Variants in ACO1 observed in about 807,000 individuals in gnomAD.
ACO1 encodes cytoplasmic aconitate hydratase.
In ACO1, 78 loss-of-function variants were observed where a neutral mutation model predicts 105.1. That is an observed-to-expected ratio of 0.74 (90% confidence interval 0.62 to 0.90). The LOEUF (loss-of-function observed/expected upper bound fraction) is 0.90. ACO1 is among the 40% of genes least tolerant of loss of function. ACO1 has a pLI of 0.00. For missense variants in ACO1, 965 were observed against 1,111.1 expected (o/e 0.87, Z 1.87); for synonymous variants, 364 against 397.4 (o/e 0.92, Z 1.00).
intron 4 of ACO1, among the ~76,000 whole-genome samples, chr9:32,412,994 C>T (rs1373713468): frequency 1.3e-5 from 2 of 151,474 alleles, no homozygotes; most frequent in Non-Finnish European, 2.9e-5. Flanking sequence ...GTTAATGCAT[C>T]TTGAACTTGG....
chr9:32,447,205 TTCAAACGTAATTTGGTC>T (rs1292559922), intron 19 of ACO1, among the ~76,000 whole-genome samples: 1 of 152,200 alleles, frequency 6.6e-6, no homozygotes, highest in Non-Finnish European at 1.5e-5. Context: ...AAGTACACCA[TTCAAACGTAATTTGGTC>T]TTTTCACATA....
At chr9:32,448,747 T>C (rs10813817) in intron 19 of ACO1, 149 bp from the exon 20 acceptor site, 281,755 of 776,334 alleles carry the variant, frequency 0.36, 52,397 homozygotes, top group East Asian at 0.47. Context: ...CAGAAATCAC[T>C]CGCCTTCTGT....
chr9:32,409,051 C>G (rs1821677270), intron 4 of ACO1, among the ~76,000 whole-genome samples: 1 of 152,220 alleles, frequency 6.6e-6, no homozygotes, highest in Admixed American at 6.5e-5. Flanking sequence ...ATCTAGCGAT[C>G]TCTGCCTCTT....
intron 9 of ACO1, 74 bp downstream of exon 9, chr9:32,423,493 G>A: frequency 9.8e-7 from 1 of 1,024,944 alleles, no homozygotes; most frequent in South Asian, 1.5e-5. Flanking sequence ...GTTTTTCTTG[G>A]GGGAATGCGC....
intron 7 of ACO1, among the ~76,000 whole-genome samples, chr9:32,420,383 T>G (rs1039698420): frequency 2.0e-5 from 3 of 152,228 alleles, no homozygotes; most frequent in African/African-American, 7.2e-5. Flanking sequence ...AGAGAATGTT[T>G]CTCATCTTGA....
chr9:32,434,505 G>A lies in ACO1; in HGVS notation c.1957-54G>A. Reference sequence around the variant, plus strand: ...GGCCACCATCGTAGAGACTGATCTGGTAACTTGTTTGGGAAAACCTGGGCC... The same window carrying A: ...GGCCACCATCGTAGAGACTGATCTGATAACTTGTTTGGGAAAACCTGGGCC... On this transcript the variant is annotated intron_variant, in intron 16 of 20. Coordinates refer to ENST00000309951, the MANE Select transcript of ACO1 (RefSeq NM_002197.3). 4.4e-6 allele frequency: 7 copies of A among 1,608,982 alleles called. No homozygotes were observed. The South Asian group carries it at 7.7e-5, about 18-fold the overall frequency.
chr9:32,418,078 C>T (rs1178392175), intron 4 of ACO1, 50 bp from the exon 5 acceptor site: 4 of 1,550,842 alleles, frequency 2.6e-6, no homozygotes, highest in Non-Finnish European at 2.7e-6. Flanking sequence ...AATTTGACCA[C>T]TAATATGTTA....
intron 17 of ACO1, among the ~76,000 whole-genome samples, chr9:32,435,302 C>T (rs1163610866): frequency 6.6e-6 from 1 of 152,126 alleles, no homozygotes; most frequent in Non-Finnish European, 1.5e-5. Context: ...TTCCCCAGAG[C>T]GAATTTGAGG....
In ACO1 at chr9:32,392,536, C is replaced by A. The variant is rs368434735; in HGVS notation, c.-23+7801C>A. On this transcript the variant is annotated intron_variant, in intron 1 of 20. Transcript: ENST00000309951. Reference sequence around the variant, plus strand: ...GTTCTTCCCAGCTTCTGTCCCAGTCCAACCTGCTAAGCTCCAGGCCCATAT... The same window carrying A: ...GTTCTTCCCAGCTTCTGTCCCAGTCAAACCTGCTAAGCTCCAGGCCCATAT... 6.6e-5 allele frequency among the ~76,000 whole-genome samples: 10 copies of A among 152,308 alleles called. 1 individual carries two copies. Among genetic ancestry groups the A allele is most frequent in the Admixed American group, 5.9e-4 (9 of 15,310 alleles).
chr9:32,418,656 C>A, intron 6 of ACO1, 145 bp downstream of exon 6: 1 of 941,284 alleles, frequency 1.1e-6, no homozygotes, highest in Non-Finnish European at 1.6e-6. Flanking sequence ...TTTCCAGTGC[C>A]TAGAGAATCA....
rs1822824234 is a variant in ACO1, at chr9:32,453,967, A to C, written c.*3856A>C. ...ATTCAGTACAGATTTGTTGAATGAAATTCGTAGTTTTATTTTACGGCATAA... is the reference window on the plus strand; with the variant it reads ...ATTCAGTACAGATTTGTTGAATGAACTTCGTAGTTTTATTTTACGGCATAA... On this transcript the variant is annotated 3_prime_UTR_variant, in exon 21 of 21. Transcript: ENST00000309951. The C allele has an allele frequency of 6.6e-6, 1 of 152,218 alleles. No individual in the cohort carries two copies. Among genetic ancestry groups the C allele is most frequent in the Non-Finnish European group, 1.5e-5 (1 of 68,034 alleles). 9.4% of individuals were successfully genotyped at this position (152,218 alleles called of 1,614,324 possible). A position where few individuals can be genotyped will look rare whatever the true frequency, so the allele number is the denominator to read the frequency against.
intron 15 of ACO1, among the ~76,000 whole-genome samples, chr9:32,432,848 G>A (rs986847529): frequency 2.0e-5 from 3 of 152,194 alleles, no homozygotes; most frequent in Admixed American, 1.3e-4. Context: ...GCTTCACTGT[G>A]TACTTTCACA....
At chr9:32,397,224 A>G (rs1484044549) in intron 1 of ACO1, among the ~76,000 whole-genome samples, 3 of 152,198 alleles carry the variant, frequency 2.0e-5, no homozygotes, top group African/African-American at 7.2e-5. Flanking sequence ...TGTTAAATCC[A>G]TTCTTTCTGC....
At chr9:32,391,464 C>T (rs182306179) in intron 1 of ACO1, among the ~76,000 whole-genome samples, 104 of 152,322 alleles carry the variant, frequency 6.8e-4, no homozygotes, top group Non-Finnish European at 1.0e-3. Flanking sequence ...TCAGATTCCT[C>T]ATGTTCTGCT....
At chr9:32,398,643 G>C (rs1275790562) in intron 1 of ACO1, among the ~76,000 whole-genome samples, 1 of 151,578 alleles carries the variant, frequency 6.6e-6, no homozygotes, top group Non-Finnish European at 1.5e-5. Context: ...ACCCAGACTG[G>C]AATGCAGTGG....
intron 2 of ACO1, among the ~76,000 whole-genome samples, chr9:32,406,150 C>T (rs1017138385): frequency 7.9e-5 from 12 of 152,178 alleles, no homozygotes; most frequent in East Asian, 7.7e-4. Flanking sequence ...ACTCCAGTTA[C>T]CACTGGCCAT....
rs751844533 is a variant in ACO1, at chr9:32,427,403, A to G, written c.1451A>G (p.Glu484Gly). The change falls in exon 12 of 21, where the codon GAA becomes GGA. Residue 484 changes from glutamate (E) to glycine (G), a missense_variant. Transcript: ENST00000309951. ...GSGVVTYYLQESGVMPYLSQL... is the reference protein window; with the variant it reads ...GSGVVTYYLQGSGVMPYLSQL... ...GGCGTGGTCACCTACTACCTACAAG[A>G]AAGCGGAGTCATGCCTTATCTGTCT... 2.5e-6 allele frequency: 4 copies of G among 1,614,080 alleles called. No individual in the cohort carries two copies. The East Asian group carries it at 6.7e-5, about 27-fold the overall frequency.
At chr9:32,408,797 G>A (rs1421458497) in intron 4 of ACO1, 146 bp downstream of exon 4, 3 of 967,910 alleles carry the variant, frequency 3.1e-6, no homozygotes, top group Non-Finnish European at 4.3e-6. Context: ...ACATTTCGCA[G>A]TAAAGATGTT....
chr9:32,448,806 C>T lies in ACO1; in HGVS notation c.2371-90C>T, dbSNP rs1289473020. The T allele has an allele frequency of 2.8e-6, 4 of 1,414,108 alleles. No individual in the cohort carries two copies. In the Admixed American group the frequency reaches 6.7e-5, roughly 24 times the overall value. 87.6% of individuals were successfully genotyped at this position (1,414,108 alleles called of 1,614,324 possible). A position where few individuals can be genotyped will look rare whatever the true frequency, so the allele number is the denominator to read the frequency against. On this transcript the variant is annotated intron_variant, in intron 19 of 20. Transcript: ENST00000309951. ...ACTGGAGCTGTTCCTATTCGGCCAT[C>T]ATGCCAGCTCTCTCACAAAGTCTTT...
Sources: allele counts gnomAD v4.1 joint callset (sites outside exome capture counted in the v4.1 genomes callset), GRCh38; gene constraint gnomAD v4.1.1; transcripts MANE v1.5; gene names NCBI Gene and HGNC (gene_info 2026-07-23, HGNC 2026-07-21).